Variants in GRID2 observed in about 807,000 individuals in gnomAD.
The protein encoded by GRID2 is glutamate ionotropic receptor delta type subunit 2.
In GRID2, 33 loss-of-function variants were observed where a neutral mutation model predicts 114.8. The observed-to-expected ratio is 0.29, with a 90% confidence interval of 0.22 to 0.38. The LOEUF (loss-of-function observed/expected upper bound fraction) is 0.38, where lower values mean the gene tolerates loss of function less well. Among genes scored for constraint, GRID2 ranks in the 10% least tolerant of loss-of-function variants. The pLI is 1.00. For synonymous variants in GRID2, 505 were observed against 449.9 expected (o/e 1.12, Z -1.55); for missense variants, 1,184 against 1,257.7 (o/e 0.94, Z 0.89).
intron 2 of GRID2, among the ~76,000 whole-genome samples, chr4:93,027,985 G>A (rs1044110029): frequency 4.6e-5 from 7 of 151,914 alleles, no homozygotes; most frequent in African/African-American, 1.7e-4. Flanking sequence ...TCATATCTAA[G>A]AAATTAGAAG....
At chr4:93,735,867 T>C (rs1276593862) in intron 14 of GRID2, among the ~76,000 whole-genome samples, 1 of 152,040 alleles carries the variant, frequency 6.6e-6, no homozygotes, top group Admixed American at 6.6e-5. Flanking sequence ...GTTGATGTTG[T>C]TATTGCTGTT....
intron 4 of GRID2, among the ~76,000 whole-genome samples, chr4:93,152,101 C>A (rs1051333971): frequency 1.3e-5 from 2 of 151,984 alleles, no homozygotes; most frequent in Admixed American, 6.6e-5. Flanking sequence ...CAAAGAACTT[C>A]AGAAAAGCAA....
At chr4:92,416,094 C>T (rs977834502) in intron 1 of GRID2, among the ~76,000 whole-genome samples, 1 of 151,998 alleles carries the variant, frequency 6.6e-6, no homozygotes, top group South Asian at 2.1e-4. Flanking sequence ...TACTTATGGC[C>T]ATTCTTGCAG....
At chr4:93,540,553 A>T (rs146337334) in intron 13 of GRID2, among the ~76,000 whole-genome samples, 9 of 152,158 alleles carry the variant, frequency 5.9e-5, no homozygotes, top group African/African-American at 2.2e-4. Flanking sequence ...GGCAGGGTTG[A>T]GCTTGTTTCA....
chr4:92,310,839 G>A (rs1383483341), intron 1 of GRID2, among the ~76,000 whole-genome samples: 3 of 152,012 alleles, frequency 2.0e-5, no homozygotes, highest in Non-Finnish European at 4.4e-5. Flanking sequence ...ATACAGTCAA[G>A]TGTGGCTATA....
intron 2 of GRID2, among the ~76,000 whole-genome samples, chr4:92,842,313 C>T (rs867505137): frequency 2.6e-5 from 4 of 152,034 alleles, no homozygotes; most frequent in Non-Finnish European, 4.4e-5. Flanking sequence ...AGACGGCATG[C>T]CTGCAATGCT....
At chr4:93,508,993 G>A (rs1165240257) in intron 12 of GRID2, among the ~76,000 whole-genome samples, 2 of 152,130 alleles carry the variant, frequency 1.3e-5, no homozygotes, top group Non-Finnish European at 2.9e-5. Context: ...ATATGAGTAA[G>A]GCAAAAGGTT....
At chr4:92,650,989 A>T (rs911789895) in intron 2 of GRID2, among the ~76,000 whole-genome samples, 5 of 152,056 alleles carry the variant, frequency 3.3e-5, no homozygotes, top group Admixed American at 3.3e-4. Flanking sequence ...GATGGGAAAC[A>T]TAGTTGTACC....
intron 2 of GRID2, among the ~76,000 whole-genome samples, chr4:92,943,779 G>A (rs551779770): frequency 5.8e-4 from 89 of 152,214 alleles, no homozygotes; most frequent in Non-Finnish European, 1.1e-3. Context: ...ATTTTTGTTT[G>A]TTAGTGTTCC....
chr4:93,690,995 G>T (rs1442082128), intron 14 of GRID2, among the ~76,000 whole-genome samples: 2 of 148,826 alleles, frequency 1.3e-5, no homozygotes, highest in Non-Finnish European at 3.0e-5. Context: ...CACTAAAAAA[G>T]CATACTTATA....
chr4:93,487,966 T>C (rs1467310575), intron 11 of GRID2, among the ~76,000 whole-genome samples: 1 of 151,990 alleles, frequency 6.6e-6, no homozygotes, highest in Non-Finnish European at 1.5e-5. Flanking sequence ...TTATTTGCAT[T>C]CTACAAGAAT....
intron 1 of GRID2, among the ~76,000 whole-genome samples, chr4:92,534,091 T>C (rs1472081334): frequency 6.6e-6 from 1 of 152,142 alleles, no homozygotes; most frequent in Non-Finnish European, 1.5e-5. Flanking sequence ...TATTTAAATC[T>C]TTTTGAAGTA....
intron 1 of GRID2, among the ~76,000 whole-genome samples, chr4:92,325,928 C>T (rs903319800): frequency 6.6e-6 from 1 of 151,626 alleles, no homozygotes; most frequent in African/African-American, 2.4e-5. Flanking sequence ...TATCCACATT[C>T]CCGGGTCTAC....
At position 93,395,708 on chromosome 4, in the gene GRID2, G is replaced by A. The variant is rs201863831; in HGVS notation, c.1347G>A (p.Leu449=). The A allele has an allele frequency of 1.8e-5, 25 of 1,382,668 alleles. No homozygotes were observed. The East Asian group carries it at 5.3e-4, about 29-fold the overall frequency. 85.6% of individuals were successfully genotyped at this position (1,382,668 alleles called of 1,614,324 possible). A position where few individuals can be genotyped will look rare whatever the true frequency, so the allele number is the denominator to read the frequency against. The change falls in exon 9 of 16, where the codon CTG becomes CTA. Residue 449 remains leucine (L), a splice_region_variant and synonymous_variant. Coordinates refer to ENST00000282020, the MANE Select transcript of GRID2 (RefSeq NM_001510.4). ...RGVVLRVVTV[L]EEPFVMVSEN... ...TGGTTCTACGTGTAGTAACTGTTCT[G>A]GTAAGTATTATCTGAGCCTCGTGGT... is the stretch of plus-strand genomic sequence containing the variant.
At chr4:92,405,241 G>A (rs765968977) in intron 1 of GRID2, among the ~76,000 whole-genome samples, 2 of 152,160 alleles carry the variant, frequency 1.3e-5, no homozygotes, top group African/African-American at 2.4e-5. Context: ...TATTTATATA[G>A]GACAGTTATG....
At chr4:93,338,950 A>C (rs1759361457) in intron 8 of GRID2, among the ~76,000 whole-genome samples, 1 of 152,120 alleles carries the variant, frequency 6.6e-6, no homozygotes, top group Non-Finnish European at 1.5e-5. Context: ...TGAAAGAGTC[A>C]TTGTGATTTC....
intron 13 of GRID2, 74 bp downstream of exon 13, chr4:93,515,485 GT>G (rs201037053): frequency 4.0e-5 from 39 of 982,184 alleles, no homozygotes; most frequent in Non-Finnish European, 4.8e-5. Context: ...GTTGAGATTT[GT>G]TTTTTTTGTT....
chr4:93,776,325 C>T (rs944949401), downstream of GRID2, among the ~76,000 whole-genome samples: 2 of 152,080 alleles, frequency 1.3e-5, no homozygotes, highest in African/African-American at 4.8e-5. Flanking sequence ...TAGAAGACAC[C>T]CTCTTATGAG....
intron 13 of GRID2, among the ~76,000 whole-genome samples, chr4:93,579,724 T>C (rs752804415): frequency 7.9e-5 from 12 of 152,110 alleles, no homozygotes; most frequent in South Asian, 2.1e-4. Flanking sequence ...TTAGGATGCA[T>C]TGAGGCAACG....
Sources: allele counts gnomAD v4.1 joint callset (sites outside exome capture counted in the v4.1 genomes callset), GRCh38; gene constraint gnomAD v4.1.1; transcripts MANE v1.5; gene names NCBI Gene and HGNC (gene_info 2026-07-23, HGNC 2026-07-21).